The following RALYL variants were observed in gnomAD, a reference collection of about 807,000 sequenced individuals.
The protein encoded by RALYL is RNA-binding Raly-like protein.
Under a neutral mutation model 35.1 loss-of-function variants are expected in RALYL, and 29 were observed. The ratio of observed to expected loss-of-function variants is 0.83; its 90% CI spans 0.61 to 1.13. The LOEUF is 1.13. Ranked by LOEUF, RALYL falls within the 50% of genes most tolerant of loss-of-function variation. The probability of loss-of-function intolerance (pLI) is 0.00; values close to 1 mark genes in which losing one functional copy is unlikely to be tolerated. For missense variants in RALYL, 359 were observed against 360.4 expected (o/e 1.00, Z 0.03); for synonymous variants, 120 against 127.6 (o/e 0.94, Z 0.40).
intron 2 of RALYL, among the ~76,000 whole-genome samples, chr8:84,589,023 G>A (rs185706324): frequency 8.6e-5 from 13 of 152,028 alleles, no homozygotes; most frequent in Admixed American, 5.2e-4. Context: ...TCAGCCTCCC[G>A]AGTAGTTGGG....
intron 1 of RALYL, among the ~76,000 whole-genome samples, chr8:84,201,036 C>G (rs1816707610): frequency 6.6e-6 from 1 of 152,058 alleles, no homozygotes; most frequent in African/African-American, 2.4e-5. Flanking sequence ...GCAGAAGGAG[C>G]TGATGGTGAT....
At chr8:84,380,247 T>C (rs1281442232) in intron 1 of RALYL, among the ~76,000 whole-genome samples, 1 of 151,906 alleles carries the variant, frequency 6.6e-6, no homozygotes, top group Non-Finnish European at 1.5e-5. Context: ...ATGTCCCAGG[T>C]TCCCTCACTC....
chr8:84,842,736 C>T (rs1407829071), intron 4 of RALYL, among the ~76,000 whole-genome samples: 19 of 152,216 alleles, frequency 1.2e-4, no homozygotes, highest in East Asian at 5.8e-4. Context: ...ACTGACAAAC[C>T]GAATCCAGCG....
At chr8:84,509,245 C>G (rs958188865) in intron 1 of RALYL, among the ~76,000 whole-genome samples, 1 of 151,878 alleles carries the variant, frequency 6.6e-6, no homozygotes, top group African/African-American at 2.4e-5. Flanking sequence ...AATTTTTTTC[C>G]CTTATTTTCA....
At chr8:84,488,674 T>C (rs1264202964) in intron 1 of RALYL, among the ~76,000 whole-genome samples, 1 of 151,992 alleles carries the variant, frequency 6.6e-6, no homozygotes, top group East Asian at 1.9e-4. Flanking sequence ...TTCCCATTCA[T>C]AGAATGGTGA....
At chr8:84,781,183 T>C (rs961043159) in intron 3 of RALYL, among the ~76,000 whole-genome samples, 4 of 152,196 alleles carry the variant, frequency 2.6e-5, no homozygotes, top group Non-Finnish European at 5.9e-5. Context: ...ATTTTATATG[T>C]TTTTAGCTAT....
intron 1 of RALYL, among the ~76,000 whole-genome samples, chr8:84,317,798 A>G (rs900544859): frequency 6.6e-6 from 1 of 152,168 alleles, no homozygotes; most frequent in Non-Finnish European, 1.5e-5. Context: ...TTGTCTTGGC[A>G]ATTAAAATGT....
intron 4 of RALYL, among the ~76,000 whole-genome samples, chr8:84,830,219 A>G (rs1343301936): frequency 6.6e-6 from 1 of 152,164 alleles, no homozygotes; most frequent in African/African-American, 2.4e-5. Flanking sequence ...AATGATCATA[A>G]AAACCCTGCG....
chr8:84,383,245 G>A (rs551871649), intron 1 of RALYL, among the ~76,000 whole-genome samples: 5 of 151,684 alleles, frequency 3.3e-5, no homozygotes, highest in Non-Finnish European at 7.4e-5. Flanking sequence ...GTAAAACATT[G>A]TCCTATTAAT....
intron 1 of RALYL, among the ~76,000 whole-genome samples, chr8:84,236,713 A>G (rs1826652438): frequency 2.6e-5 from 4 of 152,168 alleles, no homozygotes; most frequent in Admixed American, 1.3e-4. Flanking sequence ...TTTCCAATCA[A>G]TATCGTCGTG....
chr8:84,601,459 T>C (rs1054655867), intron 2 of RALYL, among the ~76,000 whole-genome samples: 23 of 152,082 alleles, frequency 1.5e-4, no homozygotes, highest in African/African-American at 5.3e-4. Context: ...TTCTCGGCCT[T>C]CCTGGGACAG....
At chr8:84,669,161 T>C (rs1450817849) in intron 2 of RALYL, among the ~76,000 whole-genome samples, 1 of 152,136 alleles carries the variant, frequency 6.6e-6, no homozygotes, top group Non-Finnish European at 1.5e-5. Context: ...CAGTCTAGTG[T>C]TGGTTTTGTC....
chr8:84,340,202 G>T (rs1848554612), intron 1 of RALYL, among the ~76,000 whole-genome samples: 1 of 151,896 alleles, frequency 6.6e-6, no homozygotes, highest in South Asian at 2.1e-4. Context: ...CTAGTCTCAG[G>T]TATTTCTTCA....
At chr8:84,517,304 A>G (rs2134570862) in intron 1 of RALYL, among the ~76,000 whole-genome samples, 1 of 152,310 alleles carries the variant, frequency 6.6e-6, no homozygotes, top group South Asian at 2.1e-4. Context: ...ATATAACATC[A>G]TAACTTGATT....
At chr8:84,352,282 T>C (rs1300731402) in intron 1 of RALYL, among the ~76,000 whole-genome samples, 1 of 150,180 alleles carries the variant, frequency 6.7e-6, no homozygotes, top group African/African-American at 2.5e-5. Flanking sequence ...TACTCTTAAG[T>C]AATTTAGAAC....
At chr8:84,752,970 G>A (rs1467742060) in intron 2 of RALYL, among the ~76,000 whole-genome samples, 1 of 152,112 alleles carries the variant, frequency 6.6e-6, no homozygotes, top group Non-Finnish European at 1.5e-5. Context: ...GAAGGCCACT[G>A]CCCTCCAGCC....
chr8:84,898,037 A>T (rs1042939176), intron 8 of RALYL, among the ~76,000 whole-genome samples: 1 of 152,190 alleles, frequency 6.6e-6, no homozygotes, highest in African/African-American at 2.4e-5. Context: ...AAAGAATTAG[A>T]TGGCATTCCG....
chr8:84,481,687 G>T (rs1325061849), intron 1 of RALYL, among the ~76,000 whole-genome samples: 1 of 152,026 alleles, frequency 6.6e-6, no homozygotes, highest in Non-Finnish European at 1.5e-5. Context: ...AAATACTACA[G>T]GCATTATGCA....
chr8:84,658,860 C>T (rs887103417), intron 2 of RALYL, among the ~76,000 whole-genome samples: 6 of 152,020 alleles, frequency 3.9e-5, no homozygotes. Flanking sequence ...TCATATTAAG[C>T]CAAATTCTCC....
Sources: allele counts gnomAD v4.1 joint callset (sites outside exome capture counted in the v4.1 genomes callset), GRCh38; gene constraint gnomAD v4.1.1; transcripts MANE v1.5; gene names NCBI Gene and HGNC (gene_info 2026-07-23, HGNC 2026-07-21).